Variants in TSPAN18 observed in about 807,000 individuals in gnomAD.
The protein encoded by TSPAN18 is tetraspanin-18.
A neutral mutation model predicts 27.3 loss-of-function variants in TSPAN18; 14 were observed. That is an observed-to-expected ratio of 0.51 (90% CI 0.34 to 0.80). The LOEUF (loss-of-function observed/expected upper bound fraction) is 0.80. Ranked by LOEUF, TSPAN18 falls within the 30% of genes least tolerant of loss-of-function variation. TSPAN18 has a pLI of 0.01. For missense variants in TSPAN18, 268 were observed against 323.9 expected (o/e 0.83, Z 1.32); for synonymous variants, 143 against 136.5 (o/e 1.05, Z -0.33).
chr11:44,881,757 C>G (rs1394299442), intron 3 of TSPAN18, among the ~76,000 whole-genome samples: 1 of 152,184 alleles, frequency 6.6e-6, no homozygotes, highest in Non-Finnish European at 1.5e-5. Context: ...GAATTCAGAC[C>G]AGGGCCAACC....
intron 5 of TSPAN18, among the ~76,000 whole-genome samples, chr11:44,911,199 C>T (rs1023251635): frequency 3.9e-5 from 6 of 152,200 alleles, no homozygotes; most frequent in Admixed American, 6.5e-5. Flanking sequence ...GGATGCTCCT[C>T]ATGGGCGAAT....
chr11:44,756,733 C>G (rs766839092), intron 1 of TSPAN18, among the ~76,000 whole-genome samples: 1 of 152,144 alleles, frequency 6.6e-6, no homozygotes, highest in Non-Finnish European at 1.5e-5. Flanking sequence ...TATGTTGCAG[C>G]GTGTCAGAAT....
intron 5 of TSPAN18, among the ~76,000 whole-genome samples, chr11:44,910,523 A>T (rs2135341521): frequency 6.6e-6 from 1 of 152,348 alleles, no homozygotes. Flanking sequence ...AGGCATGGTC[A>T]GCTGAGAGCA....
intron 3 of TSPAN18, among the ~76,000 whole-genome samples, chr11:44,896,871 G>A (rs1859077112): frequency 6.6e-6 from 1 of 152,178 alleles, no homozygotes; most frequent in Admixed American, 6.5e-5. Context: ...CTGGCACATA[G>A]TAGCAACTCA....
At chr11:44,830,408 C>T (rs1384975453) in intron 2 of TSPAN18, among the ~76,000 whole-genome samples, 7 of 152,310 alleles carry the variant, frequency 4.6e-5, no homozygotes, top group Admixed American at 3.9e-4. Flanking sequence ...CAGTGTCTTG[C>T]GTGGTACTTG....
intron 2 of TSPAN18, among the ~76,000 whole-genome samples, chr11:44,818,247 A>G (rs1005514720): frequency 6.6e-6 from 1 of 152,088 alleles, no homozygotes. Flanking sequence ...AGGAAAGCCC[A>G]TTTCCCTCCA....
intron 2 of TSPAN18, among the ~76,000 whole-genome samples, chr11:44,783,071 G>A (rs182317963): frequency 5.9e-5 from 9 of 151,962 alleles, no homozygotes; most frequent in East Asian, 1.9e-4. Flanking sequence ...CCAGTGATCC[G>A]CTTGCCTTGG....
At chr11:44,818,650 G>A (rs915610171) in intron 2 of TSPAN18, among the ~76,000 whole-genome samples, 13 of 152,176 alleles carry the variant, frequency 8.5e-5, no homozygotes, top group East Asian at 1.9e-4. Context: ...CCCCAGGGCC[G>A]GGAAACACAG....
chr11:44,803,627 G>A (rs769320025), intron 2 of TSPAN18, among the ~76,000 whole-genome samples: 9 of 152,136 alleles, frequency 5.9e-5, no homozygotes, highest in Non-Finnish European at 8.8e-5. Flanking sequence ...AGAAGCTGCC[G>A]CCCTGGAGTG....
intron 2 of TSPAN18, among the ~76,000 whole-genome samples, chr11:44,840,474 C>T (rs1158092904): frequency 1.3e-5 from 2 of 152,204 alleles, no homozygotes; most frequent in African/African-American, 4.8e-5. Context: ...TTATTCTTCT[C>T]ATTTTGGAAA....
chr11:44,912,628 T>C (rs1318072640), intron 5 of TSPAN18, among the ~76,000 whole-genome samples: 1 of 152,208 alleles, frequency 6.6e-6, no homozygotes, highest in Non-Finnish European at 1.5e-5. Context: ...GTATTGTGTA[T>C]ACATGGATTG....
At chr11:44,913,580 G>A (rs1453692434) in intron 5 of TSPAN18, among the ~76,000 whole-genome samples, 1 of 152,190 alleles carries the variant, frequency 6.6e-6, no homozygotes, top group African/African-American at 2.4e-5. Flanking sequence ...AGCAAAAAGA[G>A]ATGAGTATAT....
At chr11:44,730,678 C>T (rs1854632258) in intron 1 of TSPAN18, among the ~76,000 whole-genome samples, 1 of 150,324 alleles carries the variant, frequency 6.7e-6, no homozygotes, top group Non-Finnish European at 1.5e-5. Flanking sequence ...GGCTGGAGTG[C>T]AGTGGTGCGA....
chr11:44,792,696 G>T (rs920513875), intron 2 of TSPAN18, among the ~76,000 whole-genome samples: 8 of 152,176 alleles, frequency 5.3e-5, no homozygotes, highest in African/African-American at 1.7e-4. Context: ...ACTCAGTGGG[G>T]TTCCTCCCGG....
At chr11:44,830,342 A>C (rs1406811560) in intron 2 of TSPAN18, among the ~76,000 whole-genome samples, 1 of 152,234 alleles carries the variant, frequency 6.6e-6, no homozygotes, top group Admixed American at 6.5e-5. Flanking sequence ...GCTGGATTAT[A>C]GTTTGCAAGT....
chr11:44,799,381 A>G (rs921668832), intron 2 of TSPAN18, among the ~76,000 whole-genome samples: 2 of 152,170 alleles, frequency 1.3e-5, no homozygotes, highest in Admixed American at 1.3e-4. Flanking sequence ...CACACCCACG[A>G]CACCATGCCA....
rs34519569 is a variant in TSPAN18 at position 44,810,604 on chromosome 11, C to CTTT, written c.-153+46105_-153+46107dup. On this transcript the variant is annotated intron_variant, in intron 2 of 9. Coordinates refer to ENST00000520358, the MANE Select transcript of TSPAN18 (RefSeq NM_130783.5). ...TGAGCACCTGTTTTCAATTTTTTTT[C>CTTT]TTTTTTTTTTTTTTTGAGACAGGGT... 7.3e-4 allele frequency among the ~76,000 whole-genome samples: 101 copies of CTTT among 138,464 alleles called. 1 individual carries two copies. Among genetic ancestry groups the CTTT allele is most frequent in the African/African-American group, 2.4e-3 (90 of 37,552 alleles). 90.8% of individuals were successfully genotyped at this position (138,464 alleles called of 152,430 possible).
intron 1 of TSPAN18, among the ~76,000 whole-genome samples, chr11:44,735,180 C>T (rs1317902264): frequency 6.6e-6 from 1 of 152,210 alleles, no homozygotes; most frequent in Non-Finnish European, 1.5e-5. Flanking sequence ...GGCACGGAGG[C>T]CAGGGAAGGC....
chr11:44,898,031 C>T (rs1241368302), intron 3 of TSPAN18, among the ~76,000 whole-genome samples: 3 of 152,186 alleles, frequency 2.0e-5, no homozygotes, highest in Non-Finnish European at 4.4e-5. Flanking sequence ...TCCCACTATA[C>T]ATTCATTCAT....
Sources: allele counts gnomAD v4.1 joint callset (sites outside exome capture counted in the v4.1 genomes callset), GRCh38; gene constraint gnomAD v4.1.1; transcripts MANE v1.5; gene names NCBI Gene and HGNC (gene_info 2026-07-23, HGNC 2026-07-21).